The following CALN1 variants were observed in gnomAD, a reference collection of about 807,000 sequenced individuals.
CALN1 encodes the protein calcium-binding protein 8.
A neutral mutation model predicts 30.6 loss-of-function variants in CALN1; 17 were observed. The observed-to-expected ratio is 0.56, with a 90% CI of 0.38 to 0.83. The LOEUF (loss-of-function observed/expected upper bound fraction) is 0.83, where lower values mean the gene tolerates loss of function less well. CALN1 is among the 40% of genes least tolerant of loss of function. CALN1 has a pLI of 0.00. For missense variants in CALN1, 291 were observed against 354.9 expected (o/e 0.82, Z 1.45); for synonymous variants, 156 against 131.4 (o/e 1.19, Z -1.28).
chr7:72,008,925 G>C (rs971917870), intron 5 of CALN1, among the ~76,000 whole-genome samples: 1 of 152,076 alleles, frequency 6.6e-6, no homozygotes, highest in Non-Finnish European at 1.5e-5. Context: ...CAACGTGCCA[G>C]GATTACAGGC....
At chr7:72,299,704 T>TC (rs1799120720) in intron 2 of CALN1, among the ~76,000 whole-genome samples, 1 of 137,846 alleles carries the variant, frequency 7.3e-6, no homozygotes, top group Non-Finnish European at 1.6e-5. Flanking sequence ...TTTTTTTTTT[T>TC]TTTTTTAAAA....
At chr7:72,246,507 C>G (rs1262825517) in intron 3 of CALN1, among the ~76,000 whole-genome samples, 1 of 152,098 alleles carries the variant, frequency 6.6e-6, no homozygotes. Context: ...TTCAGTAACT[C>G]TATAATTCCG....
At chr7:72,439,928 G>C (rs981533170) in intron 1 of CALN1, among the ~76,000 whole-genome samples, 2 of 152,036 alleles carry the variant, frequency 1.3e-5, no homozygotes, top group African/African-American at 4.8e-5. Flanking sequence ...AGAAAAAGAG[G>C]GGTTGGTGTT....
chr7:72,019,849 G>A (rs1353985321), intron 5 of CALN1, among the ~76,000 whole-genome samples: 2 of 152,188 alleles, frequency 1.3e-5, no homozygotes, highest in African/African-American at 4.8e-5. Flanking sequence ...AGATTTTGGT[G>A]TAATGTATTA....
At position 72,205,860 on chromosome 7, in the gene CALN1, A is replaced by G. The variant is rs371103357; in HGVS notation, c.244+72826T>C. Reference sequence around the variant, plus strand: ...AATTCAATTAATTGTATGCTTTAGCATAAGGAAAGAACCCAACAATTATCT... The same window carrying G: ...AATTCAATTAATTGTATGCTTTAGCGTAAGGAAAGAACCCAACAATTATCT... On this transcript the variant is annotated intron_variant, in intron 3 of 6. Coordinates refer to ENST00000395275, the MANE Select transcript of CALN1 (RefSeq NM_031468.4). Among the ~76,000 whole-genome samples, 11 of 152,118 alleles carry G rather than the reference A, an allele frequency of 7.2e-5. No individual in the cohort carries two copies. In the South Asian group the frequency reaches 2.1e-3, roughly 29 times the overall value.
At chr7:72,332,718 C>T (rs1369160007) in intron 2 of CALN1, among the ~76,000 whole-genome samples, 3 of 152,004 alleles carry the variant, frequency 2.0e-5, no homozygotes, top group Non-Finnish European at 2.9e-5. Context: ...ATTCTTAATG[C>T]GATCTTTATT....
chr7:72,424,112 C>T (rs1585714322), intron 1 of CALN1, among the ~76,000 whole-genome samples: 2 of 152,170 alleles, frequency 1.3e-5, no homozygotes, highest in East Asian at 3.9e-4. Context: ...CCCAGGCTTC[C>T]TATCCCTTAG....
At position 72,401,380 on chromosome 7, in the gene CALN1, CT is replaced by C. The variant is rs572832096; in HGVS notation, c.119+1870del. Among the ~76,000 whole-genome samples the C allele has an allele frequency of 3.9e-3, 595 of 152,306 alleles. 5 individuals carry two copies. Among genetic ancestry groups the C allele is most frequent in the Admixed American group, 0.013 (192 of 15,294 alleles). On this transcript the variant is annotated intron_variant, in intron 2 of 6. Transcript: ENST00000395275. ...TCCTCTGGCCCCACCCGATCCCCTGCTTTTTGGCTTTCTCTCTCTCAGCCCA... is the reference window on the plus strand; with the variant it reads ...TCCTCTGGCCCCACCCGATCCCCTGCTTTTGGCTTTCTCTCTCTCAGCCCA...
intron 5 of CALN1, among the ~76,000 whole-genome samples, chr7:72,003,576 G>A (rs1799630886): frequency 6.6e-6 from 1 of 152,144 alleles, no homozygotes; most frequent in South Asian, 2.1e-4. Context: ...GATTCTCATA[G>A]AAGTGTGAAT....
upstream of CALN1, among the ~76,000 whole-genome samples, chr7:72,448,229 A>G (rs1223162485): frequency 6.6e-6 from 1 of 152,216 alleles, no homozygotes; most frequent in Non-Finnish European, 1.5e-5. Flanking sequence ...CTGCCTGCAT[A>G]TTACAGGCAG....
chr7:71,895,082 G>A (rs1270735834), intron 5 of CALN1, among the ~76,000 whole-genome samples: 1 of 152,020 alleles, frequency 6.6e-6, no homozygotes, highest in Non-Finnish European at 1.5e-5. Context: ...AGCCTCCCCA[G>A]TAGCTGAGAC....
At chr7:71,974,417 C>CAAAAAA (rs1052896558) in intron 5 of CALN1, among the ~76,000 whole-genome samples, 27 of 54,930 alleles carry the variant, frequency 4.9e-4, no homozygotes, top group Middle Eastern at 0.014. Flanking sequence ...GACTCCATCT[C>CAAAAAA]AAAAAAAAAA....
intron 2 of CALN1, among the ~76,000 whole-genome samples, chr7:72,285,755 G>C (rs960094751): frequency 6.6e-6 from 1 of 152,128 alleles, no homozygotes; most frequent in Non-Finnish European, 1.5e-5. Flanking sequence ...AAGAGCTTAA[G>C]ATTTCTTAAA....
At chr7:72,275,498 A>G (rs1244325330) in intron 3 of CALN1, among the ~76,000 whole-genome samples, 1 of 152,220 alleles carries the variant, frequency 6.6e-6, no homozygotes, top group Non-Finnish European at 1.5e-5. Flanking sequence ...AACCAGGAAC[A>G]GTCATAACTC....
At chr7:72,115,702 G>A (rs1807935997) in intron 3 of CALN1, among the ~76,000 whole-genome samples, 1 of 151,706 alleles carries the variant, frequency 6.6e-6, no homozygotes, top group South Asian at 2.1e-4. Flanking sequence ...TGGCCAGGCT[G>A]GTCTCAAACT....
intron 5 of CALN1, among the ~76,000 whole-genome samples, chr7:71,888,781 G>C (rs145420838): frequency 1.3e-5 from 2 of 152,232 alleles, no homozygotes; most frequent in Non-Finnish European, 2.9e-5. Context: ...TGACGTGATG[G>C]GGCCCATTCC....
intron 5 of CALN1, among the ~76,000 whole-genome samples, chr7:71,822,468 G>A (rs561640365): frequency 2.0e-4 from 30 of 152,274 alleles, no homozygotes; most frequent in Admixed American, 3.9e-4. Flanking sequence ...GGCTGGTCTC[G>A]AACTCCCGAC....
chr7:72,091,292 T>C lies in CALN1; in HGVS notation c.388+14859A>G, dbSNP rs568955883. ...GTAGCAGTGAGTCAAGATCTCACCATTGCACTCCAGTCTGGGTGACAGAGT... is the reference window on the plus strand; with the variant it reads ...GTAGCAGTGAGTCAAGATCTCACCACTGCACTCCAGTCTGGGTGACAGAGT... On this transcript the variant is annotated intron_variant, in intron 4 of 6. Transcript: ENST00000395275. Among the ~76,000 whole-genome samples the C allele has an allele frequency of 7.2e-5, 11 of 152,278 alleles. No homozygotes were observed. The East Asian group carries it at 9.7e-4, about 13-fold the overall frequency.
At chr7:71,888,062 G>A (rs996696473) in intron 5 of CALN1, among the ~76,000 whole-genome samples, 1 of 152,038 alleles carries the variant, frequency 6.6e-6, no homozygotes, top group East Asian at 1.9e-4. Context: ...AGAGAGCTGC[G>A]AGGATCATAG....
Sources: allele counts gnomAD v4.1 joint callset (sites outside exome capture counted in the v4.1 genomes callset), GRCh38; gene constraint gnomAD v4.1.1; transcripts MANE v1.5; gene names NCBI Gene and HGNC (gene_info 2026-07-23, HGNC 2026-07-21).